Variants in ARID1B observed in about 807,000 individuals in gnomAD.
The protein encoded by ARID1B is AT-rich interactive domain-containing protein 1B.
In ARID1B, 30 loss-of-function variants were observed where a neutral mutation model predicts 212.3. That is an observed-to-expected ratio of 0.14 (90% CI 0.11 to 0.19). The LOEUF is 0.19. Ranked by LOEUF, ARID1B falls within the 10% of genes least tolerant of loss-of-function variation. ARID1B has a pLI of 1.00. For missense variants in ARID1B, 2,891 were observed against 3,204.0 expected (o/e 0.90, Z 2.36); for synonymous variants, 1,402 against 1,301.7 (o/e 1.08, Z -1.66).
At position 157,011,094 on chromosome 6, in the gene ARID1B, A is replaced by G. The variant is rs561547496; in HGVS notation, c.2248-73568A>G. Among the ~76,000 whole-genome samples, 7 of 152,200 alleles carry G rather than the reference A, an allele frequency of 4.6e-5. No homozygotes were observed. In the South Asian group the frequency reaches 1.5e-3, roughly 32 times the overall value. ...TAGAATGGGCAAATTGAATGGAGAA[A>G]GCATTCTGTACTTCTTTTCATTTGT... is the stretch of plus-strand genomic sequence containing the variant. On this transcript the variant is annotated intron_variant, in intron 4 of 19. Transcript: ENST00000636930.
chr6:156,992,905 A>G (rs2128409385), intron 4 of ARID1B, among the ~76,000 whole-genome samples: 1 of 152,326 alleles, frequency 6.6e-6, no homozygotes, highest in South Asian at 2.1e-4. Flanking sequence ...TAAAGAAAGA[A>G]ATCAACTGTG....
chr6:156,885,791 T>G (rs1787454320), intron 2 of ARID1B, among the ~76,000 whole-genome samples: 1 of 152,334 alleles, frequency 6.6e-6, no homozygotes, highest in South Asian at 2.1e-4. Context: ...ATCACAAGTT[T>G]ATCATGTAAG....
In ARID1B at chr6:157,209,493, A is replaced by T. The variant is rs911145897; in HGVS notation, c.*1602A>T. On this transcript the variant is annotated 3_prime_UTR_variant, in exon 20 of 20. Coordinates refer to ENST00000636930, the MANE Select transcript of ARID1B (RefSeq NM_001374828.1). ...GAAGCAATTAACTCTAACGACATTG[A>T]GGTATGATCATTTTCAGTATTTATG... is the stretch of plus-strand genomic sequence containing the variant. The T allele has an allele frequency of 4.3e-6, 1 of 232,824 alleles. No individual in the cohort carries two copies. Among genetic ancestry groups the T allele is most frequent in the Non-Finnish European group, 8.5e-6 (1 of 117,880 alleles). The allele number at this position is 232,824 out of a possible 1,614,324, so 14.4% of individuals were successfully genotyped here.
At chr6:156,927,389 A>G (rs746492610) in intron 3 of ARID1B, among the ~76,000 whole-genome samples, 6 of 151,944 alleles carry the variant, frequency 3.9e-5, no homozygotes, top group Non-Finnish European at 8.8e-5. Flanking sequence ...TGTTGCTTGG[A>G]CCTTTTTATT....
chr6:156,836,331 C>T lies in ARID1B; in HGVS notation c.1986+6910C>T, dbSNP rs541017003. Among the ~76,000 whole-genome samples, 152 of 152,238 alleles carry T rather than the reference C, an allele frequency of 1.0e-3. 1 individual carries two copies. Among genetic ancestry groups the T allele is most frequent in the African/African-American group, 3.6e-3 (151 of 41,526 alleles). Reference sequence around the variant, plus strand: ...CCTGACTGTGAAGGCCCTAATCTCCCGTGACTGCCCTGTGAGTCAGGGTAT... The same window carrying T: ...CCTGACTGTGAAGGCCCTAATCTCCTGTGACTGCCCTGTGAGTCAGGGTAT... On this transcript the variant is annotated intron_variant, in intron 2 of 19. Coordinates refer to ENST00000636930, the MANE Select transcript of ARID1B (RefSeq NM_001374828.1).
At position 157,189,649 on chromosome 6, in the gene ARID1B, G is replaced by C. The variant is rs776425168; in HGVS notation, c.3927G>C (p.Ser1309=). 1 of 1,607,240 alleles carries C rather than the reference G, an allele frequency of 6.2e-7. No individual in the cohort carries two copies. Among genetic ancestry groups the C allele is most frequent in the South Asian group, 1.1e-5 (1 of 89,612 alleles). The change falls in exon 14 of 20, where the codon TCG becomes TCC. Residue 1309 remains serine, a synonymous_variant. Coordinates refer to ENST00000636930, the MANE Select transcript of ARID1B (RefSeq NM_001374828.1). ...TGGTGCTGCTACTATCAGCTAACTC[G>C]GGATCCTTGCAAGGCCCACAGACCC... ...PKLQPPSPAN[S]GSLQGPQTPQ...
chr6:156,857,233 A>AC (rs1462212721), intron 2 of ARID1B, among the ~76,000 whole-genome samples: 57 of 152,316 alleles, frequency 3.7e-4, no homozygotes, highest in Admixed American at 1.2e-3. Context: ...CACAGTTTTG[A>AC]AGTGTCAAAA....
In ARID1B at chr6:156,778,309, A is replaced by C. The variant is rs1003399837; in HGVS notation, c.629A>C (p.Gln210Pro). 5.8e-6 allele frequency: 9 copies of C among 1,545,428 alleles called. 1 individual carries two copies. The African/African-American group carries it at 1.1e-4, about 19-fold the overall frequency. The change falls in exon 1 of 20, where the codon CAG becomes CCG. Residue 210 changes from glutamine to proline, a missense_variant. Around this residue, in one of 7 missense-constraint regions of ARID1B, gnomAD observed 1,643 missense variants for 1,544.0 expected, o/e 1.06. Coordinates refer to ENST00000636930, the MANE Select transcript of ARID1B (RefSeq NM_001374828.1). ...CAGCAGCAACAGCAGCAGCAGCAGC[A>C]GCAGCAACAGCAACATCCCATTTCC... ...QQQQQQQQQQ[Q>P]QQQQHPISNN...
In ARID1B at chr6:157,037,778, A is replaced by G. The variant is rs141464927; in HGVS notation, c.2248-46884A>G. 4.4e-3 allele frequency among the ~76,000 whole-genome samples: 673 copies of G among 152,324 alleles called. 4 individuals are homozygous for G. The highest frequency in any genetic ancestry group is 0.015 in the African/African-American group (642 of 41,562). On this transcript the variant is annotated intron_variant, in intron 4 of 19. Coordinates refer to ENST00000636930, the MANE Select transcript of ARID1B (RefSeq NM_001374828.1). Reference sequence around the variant, plus strand: ...CAGTCAAAAGCAGTTGAATAGACCCAGTAAAAGTGAACACAGGCCTGAGCT... The same window carrying G: ...CAGTCAAAAGCAGTTGAATAGACCCGGTAAAAGTGAACACAGGCCTGAGCT...
chr6:157,148,933 C>G lies in ARID1B; in HGVS notation c.3071C>G (p.Ala1024Gly). Residue 1024 changes from alanine to glycine, a missense_variant, in exon 8 of 20, where the codon GCG becomes GGG. Ala to Gly is a moderately conservative substitution (Grantham distance 60). Around this residue, in one of 7 missense-constraint regions of ARID1B, gnomAD observed 1,643 missense variants for 1,544.0 expected, o/e 1.06. Coordinates refer to ENST00000636930, the MANE Select transcript of ARID1B (RefSeq NM_001374828.1). The surrounding 1 kb of genome is among the most constrained non-coding windows in gnomAD (Gnocchi z 5.6). ...GCCGCAGCAGTGATGCAGGCTGCTG[C>G]GAACTCAGCACAAAGCAGGTACGCC... The part of the protein sequence containing the change: ...EAAAAVMQAA[A>G]NSAQSRQGSF... 1 of 1,611,934 alleles carries G rather than the reference C, an allele frequency of 6.2e-7. No homozygotes were observed. The highest frequency in any genetic ancestry group is 8.5e-7 in the Non-Finnish European group (1 of 1,179,336).
In ARID1B at chr6:157,114,523, C is replaced by CAAAAAAA. The variant is rs111845551; in HGVS notation, c.2581+3984_2581+3990dup. 7.3e-3 allele frequency among the ~76,000 whole-genome samples: 368 copies of CAAAAAAA among 50,398 alleles called. 24 individuals carry two copies. The highest frequency in any genetic ancestry group is 0.021 in the African/African-American group (313 of 14,992). 33.1% of individuals were successfully genotyped at this position (50,398 alleles called of 152,430 possible). ...TGGGCGACAGAGCGACACTCCGTCT[C>CAAAAAAA]AAAAAAAAAAAAAAAAAAAAAAAAA... On this transcript the variant is annotated intron_variant, in intron 6 of 19. Transcript: ENST00000636930.
intron 4 of ARID1B, among the ~76,000 whole-genome samples, chr6:156,992,906 A>G (rs540299889): frequency 2.7e-3 from 414 of 152,310 alleles, no homozygotes; most frequent in Non-Finnish European, 4.3e-3. Flanking sequence ...AAAGAAAGAA[A>G]TCAACTGTGA....
chr6:157,123,232 C>T (rs1375151306), intron 6 of ARID1B, among the ~76,000 whole-genome samples: 3 of 11,380 alleles, frequency 2.6e-4, no homozygotes, highest in Non-Finnish European at 5.3e-4. Flanking sequence ...CTCCCCCCCG[C>T]CCCCCGCCCC....
intron 4 of ARID1B, among the ~76,000 whole-genome samples, chr6:157,011,879 A>G (rs1779631111): frequency 6.6e-6 from 1 of 152,246 alleles, no homozygotes; most frequent in African/African-American, 2.4e-5. Context: ...ACTGCATTCC[A>G]GGTGTGAATA....
chr6:157,010,252 AT>A (rs1779492523), intron 4 of ARID1B, among the ~76,000 whole-genome samples: 1 of 137,516 alleles, frequency 7.3e-6, no homozygotes, highest in Non-Finnish European at 1.6e-5. Flanking sequence ...CTTCTGTCTA[AT>A]TTTGTTAACA....
At position 156,990,479 on chromosome 6, in the gene ARID1B, A is replaced by G. The variant is rs1778210432; in HGVS notation, c.2247+54903A>G. 2.0e-5 allele frequency among the ~76,000 whole-genome samples: 3 copies of G among 152,068 alleles called. No individual in the cohort carries two copies. In the South Asian group the frequency reaches 6.3e-4, roughly 32 times the overall value. The stretch of plus-strand genomic sequence containing the variant: ...ATCATGGTGAAACCCCGTCTCTACT[A>G]AAAATACAAAAATTAGCTGGGCGTG... On this transcript the variant is annotated intron_variant, in intron 4 of 19. Transcript: ENST00000636930.
At position 156,779,174 on chromosome 6, in the gene ARID1B, C is replaced by A. The variant is rs750158289; in HGVS notation, c.1494C>A (p.Ala498=). The change falls in exon 1 of 20, where the codon GCC becomes GCA. Residue 498 remains alanine (A), a synonymous_variant. Coordinates refer to ENST00000636930, the MANE Select transcript of ARID1B (RefSeq NM_001374828.1). Reference sequence around the variant, plus strand: ...GCCAGAACCAGCACCCGTCGGGGGCCACCCCGACCCTCAATCAGCTGCTCA... The same window carrying A: ...GCCAGAACCAGCACCCGTCGGGGGCAACCCCGACCCTCAATCAGCTGCTCA... ...FAGQNQHPSG[A]TPTLNQLLTS... The A allele has an allele frequency of 7.5e-7, 1 of 1,338,484 alleles. No homozygotes were observed. The highest frequency in any genetic ancestry group is 3.1e-5 in the East Asian group (1 of 32,288). The allele number at this position is 1,338,484 out of a possible 1,614,324, so 82.9% of individuals were successfully genotyped here.
At chr6:157,072,950 G>A (rs1186356324) in intron 4 of ARID1B, among the ~76,000 whole-genome samples, 2 of 152,136 alleles carry the variant, frequency 1.3e-5, no homozygotes, top group Non-Finnish European at 2.9e-5. Context: ...TCTTTGGTGT[G>A]TAGTGTTTAT....
intron 2 of ARID1B, among the ~76,000 whole-genome samples, chr6:156,897,191 A>G (rs374584325): frequency 0.014 from 1,534 of 111,912 alleles, 26 homozygotes; most frequent in East Asian, 0.028. Flanking sequence ...TGCTGCTGCT[A>G]CTGCTGCTGC....
Sources: gnomAD v4.1 joint callset for allele counts (sites outside exome capture counted in the v4.1 genomes callset) on GRCh38, gnomAD v4.1.1 for gene constraint, gnomAD v4.1.1 regional missense constraint, Gnocchi (gnomAD v3.1) non-coding constraint, MANE v1.5 for transcripts, NCBI Gene and HGNC (gene_info 2026-07-23, HGNC 2026-07-21) for gene names.